Variants in E2F8 observed in about 807,000 individuals in gnomAD.
E2F8 encodes the protein transcription factor E2F8.
A neutral mutation model predicts 80.8 loss-of-function variants in E2F8; 35 were observed. The observed-to-expected ratio is 0.43, with a 90% CI of 0.33 to 0.57. The LOEUF (loss-of-function observed/expected upper bound fraction) is 0.57, where lower values mean the gene tolerates loss of function less well. E2F8 is among the 20% of genes least tolerant of loss of function. The pLI is 0.04. For missense variants in E2F8, 975 were observed against 1,056.2 expected, an observed-to-expected ratio of 0.92 and a Z score of 1.07; for synonymous variants, 386 against 395.0, an observed-to-expected ratio of 0.98 and a Z score of 0.27.
chr11:19,240,165 TG>T lies in E2F8; in HGVS notation c.-45del. The T allele has an allele frequency of 7.1e-7, 1 of 1,407,146 alleles. No homozygotes were observed. Among genetic ancestry groups the T allele is most frequent in the Non-Finnish European group, 9.6e-7 (1 of 1,046,382 alleles). 87.2% of individuals were successfully genotyped at this position (1,407,146 alleles called of 1,614,324 possible). On this transcript the variant is annotated 5_prime_UTR_variant, in exon 2 of 13. Transcript: ENST00000250024. ...ATTTAGAGTTTAAAAATGAAAAATCTGGAGTTCCTCCCCAAATCCCGATGGT... is the reference window on the plus strand; with the variant it reads ...ATTTAGAGTTTAAAAATGAAAAATCTGAGTTCCTCCCCAAATCCCGATGGT...
intron 12 of E2F8, 111 bp from the exon 13 acceptor site, chr11:19,224,951 C>A (rs1459311091): frequency 1.5e-6 from 2 of 1,331,536 alleles, no homozygotes; most frequent in African/African-American, 1.5e-5. Context: ...GGGAAACTGG[C>A]GTATCTTGAA....
chr11:19,225,059 G>T, intron 12 of E2F8, 162 bp downstream of exon 12: 1 of 1,166,198 alleles, frequency 8.6e-7, no homozygotes, highest in Non-Finnish European at 1.2e-6. Context: ...GGATGCCTTG[G>T]ACACTCTTCC....
chr11:19,237,122 A>T (rs888853647), intron 4 of E2F8, among the ~76,000 whole-genome samples, 192 bp downstream of exon 4: 5 of 152,228 alleles, frequency 3.3e-5, no homozygotes, highest in African/African-American at 1.2e-4. Flanking sequence ...TTCTGCCTCC[A>T]AGATTTGCTG....
chr11:19,233,242 G>A (rs2133569143), intron 6 of E2F8, among the ~76,000 whole-genome samples: 2 of 152,310 alleles, frequency 1.3e-5, no homozygotes, highest in Middle Eastern at 3.4e-3. Context: ...AAAGTCTGGT[G>A]TAATGGTGAG....
intron 12 of E2F8, 107 bp from the exon 13 acceptor site, chr11:19,224,947 C>A: frequency 1.5e-6 from 2 of 1,347,190 alleles, no homozygotes; most frequent in Non-Finnish European, 2.0e-6. Flanking sequence ...CATTGGGAAA[C>A]TGGCGTATCT....
chr11:19,238,604 C>T (rs1338848092), intron 2 of E2F8, among the ~76,000 whole-genome samples: 1 of 152,190 alleles, frequency 6.6e-6, no homozygotes, highest in Non-Finnish European at 1.5e-5. Flanking sequence ...TCTTATCCAC[C>T]TAGCATAATG....
At chr11:19,231,093 A>G (rs1202669690) in intron 7 of E2F8, among the ~76,000 whole-genome samples, 1 of 152,136 alleles carries the variant, frequency 6.6e-6, no homozygotes, top group Non-Finnish European at 1.5e-5. Context: ...GTTATTAGTG[A>G]TTTTTCTTTC....
At chr11:19,232,408 A>G (rs1220858900) in intron 6 of E2F8, 37 bp from the exon 7 acceptor site, 4 of 1,553,666 alleles carry the variant, frequency 2.6e-6, no homozygotes, top group Non-Finnish European at 3.5e-6. Context: ...TAATGGAATA[A>G]TGAAAAGATC....
upstream of E2F8, among the ~76,000 whole-genome samples, chr11:19,241,188 G>C (rs1225391696): frequency 7.2e-5 from 11 of 152,296 alleles, no homozygotes; most frequent in African/African-American, 2.4e-4. This position sits in a 1 kb window ranked among gnomAD's most constrained non-coding sequence, Gnocchi z 4.5. Context: ...TTAGCTGCGC[G>C]GGGCCTGAGC....
At chr11:19,234,556 T>A (rs761479798) in intron 5 of E2F8, 35 bp from the exon 6 acceptor site, 2 of 1,604,120 alleles carry the variant, frequency 1.2e-6, no homozygotes, top group African/African-American at 2.7e-5. Context: ...GAATTAAAAT[T>A]CATAAAGGGA....
At chr11:19,239,863 T>C (rs1047141609) in intron 2 of E2F8, among the ~76,000 whole-genome samples, 2 of 151,014 alleles carry the variant, frequency 1.3e-5, no homozygotes, top group African/African-American at 4.8e-5. Context: ...TTTGACATGA[T>C]TGGAGACTGA....
rs1590124181 is a variant in E2F8 at position 19,229,762 on chromosome 11, G to T, written c.1585C>A (p.Gln529Lys). 6.2e-7 allele frequency: 1 copy of T among 1,614,248 alleles called. No individual in the cohort carries two copies. Among genetic ancestry groups the T allele is most frequent in the South Asian group, 1.1e-5 (1 of 91,086 alleles). ...PSYAIYLQPT[Q>K]AHQSVTPPQG... is the part of the protein sequence containing the mutation. The stretch of plus-strand genomic sequence containing the variant: ...GGTGGCGTCACACTTTGGTGGGCTT[G>T]AGTGGGCTGCAGGTAGATGGCATAG... Residue 529 changes from glutamine (Q) to lysine (K), a missense_variant, in exon 10 of 13, where the codon CAA (glutamine) becomes AAA (lysine). Transcript: ENST00000250024. The surrounding 1 kb of genome is among the most constrained non-coding windows in gnomAD (Gnocchi z 4.3).
At chr11:19,228,982 T>C (rs1405088149) in intron 10 of E2F8, among the ~76,000 whole-genome samples, 5 of 152,346 alleles carry the variant, frequency 3.3e-5, no homozygotes. Context: ...ATAGAAATTT[T>C]GATTTAAATT....
Position 19,230,074 on chromosome 11 carries a change from C to T in E2F8, c.1359-86G>A, listed in dbSNP as rs546335290. 329 of 1,554,094 alleles carry T rather than the reference C, an allele frequency of 2.1e-4. 1 individual carries two copies. The highest frequency in any genetic ancestry group is 1.8e-3 in the South Asian group (151 of 85,840). On this transcript the variant is annotated intron_variant, in intron 9 of 12. Transcript: ENST00000250024. Reference sequence around the variant, plus strand: ...CGCTTTAAGCCTCATATTGAAGCCACGCTTTTATGGAACATGCAGATAATT... The same window carrying T: ...CGCTTTAAGCCTCATATTGAAGCCATGCTTTTATGGAACATGCAGATAATT...
At chr11:19,230,366 T>C (rs751894195) in intron 8 of E2F8, 38 bp from the exon 9 acceptor site, 3 of 1,588,512 alleles carry the variant, frequency 1.9e-6, no homozygotes, top group Middle Eastern at 1.7e-4. Flanking sequence ...CGGTCAAAGC[T>C]AAAGAACAAA....
At chr11:19,235,084 T>C (rs1373251911) in intron 4 of E2F8, 26 bp from the exon 5 acceptor site, 5 of 1,563,682 alleles carry the variant, frequency 3.2e-6, no homozygotes, top group Non-Finnish European at 4.3e-6. Flanking sequence ...AATTGTGTGT[T>C]ACAGATTTTT....
In E2F8 at chr11:19,240,201, C is replaced by A. The variant is rs1851622714; in HGVS notation, c.-80G>T. ...CCCAAATCCCGATGGTTCAAGTAGT[C>A]CAATCAATTGTACTAAAAGTTTTAA... On this transcript the variant is annotated 5_prime_UTR_variant, in exon 2 of 13. Coordinates refer to ENST00000250024, the MANE Select transcript of E2F8 (RefSeq NM_024680.4). The A allele has an allele frequency of 5.5e-6, 5 of 910,982 alleles. No homozygotes were observed. Among genetic ancestry groups the A allele is most frequent in the Non-Finnish European group, 8.0e-6 (5 of 626,304 alleles). 56.4% of individuals were successfully genotyped at this position (910,982 alleles called of 1,614,324 possible).
chr11:19,231,981 T>C, intron 7 of E2F8, among the ~76,000 whole-genome samples: 1 of 152,192 alleles, frequency 6.6e-6, no homozygotes, highest in Non-Finnish European at 1.5e-5. Context: ...ATATACACCA[T>C]GGAATACTAT....
At chr11:19,228,803 C>A (rs544367040) in intron 10 of E2F8, among the ~76,000 whole-genome samples, 2 of 152,106 alleles carry the variant, frequency 1.3e-5, no homozygotes, top group African/African-American at 4.8e-5. Context: ...TGACTAATAT[C>A]TATTATGTCT....
Sources: allele counts gnomAD v4.1 joint callset (sites outside exome capture counted in the v4.1 genomes callset), GRCh38; gene constraint gnomAD v4.1.1; non-coding constraint Gnocchi (gnomAD v3.1); transcripts MANE v1.5; gene names NCBI Gene and HGNC (gene_info 2026-07-23, HGNC 2026-07-21).